Variants in MTX2 observed in about 807,000 individuals in gnomAD.
MTX2 encodes metaxin 2.
In MTX2, 35 loss-of-function variants were observed where a neutral mutation model predicts 42.3. That is an observed-to-expected ratio of 0.83 (90% CI 0.63 to 1.10). The LOEUF is 1.10. Ranked by LOEUF, MTX2 falls within the 50% of genes least tolerant of loss-of-function variation. The probability of loss-of-function intolerance (pLI) is 0.00; values close to 1 mark genes in which losing one functional copy is unlikely to be tolerated. For synonymous variants in MTX2, 119 were observed against 100.9 expected, an observed-to-expected ratio of 1.18 and a Z score of -1.08; for missense variants, 307 against 304.1, an observed-to-expected ratio of 1.01 and a Z score of -0.07.
At chr2:176,313,208 T>C (rs921667865) in intron 3 of MTX2, among the ~76,000 whole-genome samples, 1 of 151,996 alleles carries the variant, frequency 6.6e-6, no homozygotes, top group African/African-American at 2.4e-5. Context: ...CTGTGTCAGA[T>C]AGTGTATAAA....
At chr2:176,302,627 G>A (rs1345527679) in intron 3 of MTX2, among the ~76,000 whole-genome samples, 2 of 151,762 alleles carry the variant, frequency 1.3e-5, no homozygotes, top group Non-Finnish European at 2.9e-5. Flanking sequence ...TAATAGAGAC[G>A]GGGTTTCACC....
chr2:176,274,473 A>G (rs1406528631), intron 1 of MTX2, among the ~76,000 whole-genome samples: 3 of 152,150 alleles, frequency 2.0e-5, no homozygotes, highest in Non-Finnish European at 4.4e-5. Flanking sequence ...TATTACTCGG[A>G]TGGGTATTTA....
chr2:176,329,253 A>G (rs1382583576), intron 7 of MTX2, 48 bp from the exon 8 acceptor site: 12 of 1,539,192 alleles, frequency 7.8e-6, no homozygotes, highest in Admixed American at 2.0e-5. Context: ...AAAAACGGGC[A>G]TTGTTTTTAG....
Position 176,332,436 on chromosome 2 carries a change from T to C in MTX2, c.620+1776T>C, listed in dbSNP as rs142211142. Among the ~76,000 whole-genome samples the C allele has an allele frequency of 6.3e-3, 957 of 151,454 alleles. 12 individuals are homozygous for C. Among genetic ancestry groups the C allele is most frequent in the African/African-American group, 0.022 (899 of 41,458 alleles). ...CTGAATTCTATTCTTGGCTCTGACA[T>C]ATCTCTAAGTTACTCTAATTTCTCT... is the stretch of plus-strand genomic sequence containing the variant. On this transcript the variant is annotated intron_variant, in intron 9 of 9. Coordinates refer to ENST00000249442, the MANE Select transcript of MTX2 (RefSeq NM_006554.5).
At chr2:176,313,100 AG>A (rs1179362833) in intron 3 of MTX2, among the ~76,000 whole-genome samples, 4 of 151,868 alleles carry the variant, frequency 2.6e-5, no homozygotes, top group Non-Finnish European at 5.9e-5. Flanking sequence ...ACCAAGGTTA[AG>A]TGGTCTTTCT....
In MTX2 at chr2:176,326,867, AAC is replaced by A; in HGVS notation, c.252_253del (p.Glu84AspfsTer9). 2 of 1,577,202 alleles carry A rather than the reference AAC, an allele frequency of 1.3e-6. No homozygotes were observed. The highest frequency in any genetic ancestry group is 1.7e-6 in the Non-Finnish European group (2 of 1,158,698). On this transcript the variant is annotated frameshift_variant, in exon 5 of 10. Coordinates refer to ENST00000249442, the MANE Select transcript of MTX2 (RefSeq NM_006554.5). LOFTEE classifies it high-confidence loss of function. ...CATGTGGGAAATCAAGTAGTATCAGAACTTGGTCCAATAGTCCAATTTGTTAA... is the reference window on the plus strand; with the variant it reads ...CATGTGGGAAATCAAGTAGTATCAGATTGGTCCAATAGTCCAATTTGTTAA...
intron 3 of MTX2, among the ~76,000 whole-genome samples, chr2:176,298,286 G>A (rs929177126): frequency 2.0e-5 from 3 of 151,856 alleles, no homozygotes; most frequent in African/African-American, 7.2e-5. Flanking sequence ...ATATTTTTAA[G>A]CATTGTTTTG....
At position 176,337,579 on chromosome 2, in the gene MTX2, T is replaced by G; in HGVS notation, c.707T>G (p.Val236Gly). The change falls in exon 10 of 10, where the codon GTG (valine) becomes GGG (glycine). Residue 236 changes from valine (V) to glycine (G), a missense_variant. Transcript: ENST00000249442. ...ACAAATGATGAACTTTCTGAGAAGG[T>G]GAAAAACTATAGCAACCTCCTTGCT... ...QLTNDELSEKVKNYSNLLAFC... is the reference protein window; with the variant it reads ...QLTNDELSEKGKNYSNLLAFC... The G allele has an allele frequency of 6.2e-7, 1 of 1,613,446 alleles. No homozygotes were observed. The highest frequency in any genetic ancestry group is 1.1e-5 in the South Asian group (1 of 91,010).
rs146224577 is a variant in MTX2 at position 176,303,916 on chromosome 2, G to A, written c.135+6021G>A. Among the ~76,000 whole-genome samples the A allele has an allele frequency of 5.3e-4, 81 of 151,916 alleles. 1 individual carries two copies. The highest frequency in any genetic ancestry group is 3.4e-3 in the Middle Eastern group (1 of 290). ...TGAGAGATTGCAACTTAGAATATCA[G>A]CTGTGTACTTTTTTGTTTAAAAAGT... On this transcript the variant is annotated intron_variant, in intron 3 of 9. Coordinates refer to ENST00000249442, the MANE Select transcript of MTX2 (RefSeq NM_006554.5).
intron 5 of MTX2, 75 bp from the exon 6 acceptor site, chr2:176,328,218 T>C: frequency 1.1e-6 from 1 of 879,626 alleles, no homozygotes; most frequent in Non-Finnish European, 1.7e-6. Flanking sequence ...TGTTACGTTA[T>C]TTGTTAGTGA....
chr2:176,309,720 CTTT>C (rs745705028), intron 3 of MTX2, among the ~76,000 whole-genome samples: 115 of 98,552 alleles, frequency 1.2e-3, no homozygotes, highest in African/African-American at 4.8e-3. Flanking sequence ...GCAACCTCTG[CTTT>C]TTTTTTTTTT....
intron 1 of MTX2, among the ~76,000 whole-genome samples, chr2:176,270,681 G>T (rs1692785403): frequency 6.6e-6 from 1 of 152,146 alleles, no homozygotes; most frequent in South Asian, 2.1e-4. Flanking sequence ...GTTTTTCACT[G>T]CTTTGCGTTT....
At position 176,307,834 on chromosome 2, in the gene MTX2, T is replaced by C. The variant is rs111483455; in HGVS notation, c.135+9939T>C. ...GGGGTTTTCTAAATATACAATCATA[T>C]CATCTGCAAACAGGAACAGTTTGAC... On this transcript the variant is annotated intron_variant, in intron 3 of 9. Transcript: ENST00000249442. 7.8e-3 allele frequency among the ~76,000 whole-genome samples: 1,183 copies of C among 152,294 alleles called. 18 individuals are homozygous for C. The highest frequency in any genetic ancestry group is 0.027 in the African/African-American group (1,142 of 41,564).
At chr2:176,335,893 T>C (rs1684976856) in intron 9 of MTX2, among the ~76,000 whole-genome samples, 1 of 152,058 alleles carries the variant, frequency 6.6e-6, no homozygotes, top group African/African-American at 2.4e-5. Flanking sequence ...AATCCAGAGC[T>C]CAGGGGAGAC....
intron 1 of MTX2, among the ~76,000 whole-genome samples, chr2:176,273,923 A>AC (rs917159434): frequency 6.6e-6 from 1 of 151,812 alleles, no homozygotes; most frequent in Non-Finnish European, 1.5e-5. Flanking sequence ...TAAAAAAAAA[A>AC]AAACCTCCTC....
At chr2:176,272,506 A>C (rs781096749) in intron 1 of MTX2, among the ~76,000 whole-genome samples, 2 of 152,180 alleles carry the variant, frequency 1.3e-5, no homozygotes, top group Non-Finnish European at 2.9e-5. Flanking sequence ...TTAGTTCAAA[A>C]TATCACGTTG....
chr2:176,325,163 C>CAG (rs1684679519), intron 4 of MTX2, among the ~76,000 whole-genome samples: 1 of 151,730 alleles, frequency 6.6e-6, no homozygotes, highest in Admixed American at 6.6e-5. Flanking sequence ...CTATTTCTTG[C>CAG]ATTCTTTGAA....
intron 9 of MTX2, among the ~76,000 whole-genome samples, chr2:176,333,714 A>T (rs1684914010): frequency 6.6e-6 from 1 of 151,626 alleles, no homozygotes. Context: ...AGATTGTAAT[A>T]TATTTTTACT....
Position 176,269,485 on chromosome 2 carries a change from G to A in MTX2, c.-145G>A. 2.2e-6 allele frequency: 2 copies of A among 918,728 alleles called. No homozygotes were observed. Among genetic ancestry groups the A allele is most frequent in the Non-Finnish European group, 3.1e-6 (2 of 646,540 alleles). 56.9% of individuals were successfully genotyped at this position (918,728 alleles called of 1,614,324 possible). A position where few individuals can be genotyped will look rare whatever the true frequency, so the allele number is the denominator to read the frequency against. ...CGGTAACCTTGGGGGCCTCACTGCA[G>A]CCGCCGCTGCTGTTGGAGTGGGCTT... On this transcript the variant is annotated 5_prime_UTR_variant, in exon 1 of 10. Transcript: ENST00000249442.
Sources: gnomAD v4.1 joint callset for allele counts (sites outside exome capture counted in the v4.1 genomes callset) on GRCh38, gnomAD v4.1.1 for gene constraint, MANE v1.5 for transcripts, NCBI Gene and HGNC (gene_info 2026-07-23, HGNC 2026-07-21) for gene names.